ACR: variants seen among roughly 807,000 people sequenced by gnomAD.
The protein encoded by ACR is acrosin light and heavy chain prepropeptide.
In ACR, 17 loss-of-function variants were observed where a neutral mutation model predicts 26.0. The observed-to-expected ratio is 0.65, with a 90% CI of 0.45 to 0.98. ACR has a LOEUF of 0.98. Ranked by LOEUF, ACR falls within the 50% of genes least tolerant of loss-of-function variation. The pLI is 0.00. For missense variants in ACR, 435 were observed against 519.3 expected (o/e 0.84, Z 1.58); for synonymous variants, 199 against 207.7 (o/e 0.96, Z 0.36).
In ACR at chr22:50,742,878, C is replaced by T. The variant is rs1483675304; in HGVS notation, c.566-1183C>T. ...CTCTGCAGGTGACGTCCAGATCCAC[C>T]CCCAGGGTTGTAGGTGCTGCTGCGG... On this transcript the variant is annotated intron_variant, in intron 3 of 4. Coordinates refer to ENST00000216139, the MANE Select transcript of ACR (RefSeq NM_001097.3). 2.6e-5 allele frequency among the ~76,000 whole-genome samples: 4 copies of T among 152,274 alleles called. No homozygotes were observed. In the East Asian group the frequency reaches 5.8e-4, roughly 22 times the overall value.
chr22:50,740,904 T>C, intron 3 of ACR: 1 of 571,978 alleles, frequency 1.7e-6, no homozygotes, highest in South Asian at 2.0e-5. Flanking sequence ...CCCTACATAC[T>C]TAGGCACACT....
rs191736410 is a variant in ACR, at chr22:50,740,602, A to C, written c.565+625A>C. The stretch of plus-strand genomic sequence containing the variant: ...GTTGGTGTGGCTTTCTGTGGGTCAT[A>C]GGCATCCCTGTATTTCAGGCTTCCT... On this transcript the variant is annotated intron_variant, in intron 3 of 4. Transcript: ENST00000216139. The C allele has an allele frequency of 1.7e-4, 117 of 702,458 alleles. No individual in the cohort carries two copies. In the African/African-American group the frequency reaches 1.8e-3, roughly 11 times the overall value. 43.5% of individuals were successfully genotyped at this position (702,458 alleles called of 1,614,324 possible).
chr22:50,744,979 C>T lies in ACR; in HGVS notation c.1038C>T (p.Pro346=). The change falls in exon 5 of 5, where the codon CCC becomes CCT. Residue 346 remains proline, a synonymous_variant. Coordinates refer to ENST00000216139, the MANE Select transcript of ACR (RefSeq NM_001097.3). ...PPRPPAAQPR[P]PPSPPPPPPP... Reference sequence around the variant, plus strand: ...GACCACCGGCAGCCCAGCCCCGACCCCCACCTTCACCCCCGCCCCCACCCC... The same window carrying T: ...GACCACCGGCAGCCCAGCCCCGACCTCCACCTTCACCCCCGCCCCCACCCC... 2 of 1,022,708 alleles carry T rather than the reference C, an allele frequency of 2.0e-6. No individual in the cohort carries two copies. The highest frequency in any genetic ancestry group is 2.8e-6 in the Non-Finnish European group (2 of 727,250). The allele number at this position is 1,022,708 out of a possible 1,614,324, so 63.4% of individuals were successfully genotyped here. A position where few individuals can be genotyped will look rare whatever the true frequency, so the allele number is the denominator to read the frequency against.
chr22:50,740,644 A>G, intron 3 of ACR: 2 of 702,372 alleles, frequency 2.8e-6, no homozygotes, highest in Non-Finnish European at 5.2e-6. Context: ...TCCGGCAGGT[A>G]CCTCTCCATT....
At position 50,739,607 on chromosome 22, in the gene ACR, G is replaced by T; in HGVS notation, c.282-87G>T. On this transcript the variant is annotated intron_variant, in intron 2 of 4. Transcript: ENST00000216139. This position sits in a 1 kb window ranked among gnomAD's most constrained non-coding sequence, Gnocchi z 5.5. Reference sequence around the variant, plus strand: ...CTGCAAGACTCCGGGGGCTGGTCCAGACCTTTGCTAGGGGAAGGCCCTGAG... The same window carrying T: ...CTGCAAGACTCCGGGGGCTGGTCCATACCTTTGCTAGGGGAAGGCCCTGAG... The T allele has an allele frequency of 6.4e-7, 1 of 1,553,572 alleles. No individual in the cohort carries two copies. The highest frequency in any genetic ancestry group is 8.7e-7 in the Non-Finnish European group (1 of 1,146,226).
At chr22:50,740,106 C>G (rs2083418663) in intron 3 of ACR, 129 bp downstream of exon 3, 1 of 1,228,880 alleles carries the variant, frequency 8.1e-7, no homozygotes, top group African/African-American at 1.5e-5. Flanking sequence ...ACACGTAGAG[C>G]CATCACTGTG....
In ACR at chr22:50,739,794, A is replaced by G. The variant is rs769494886; in HGVS notation, c.382A>G (p.Ile128Val). 6.2e-7 allele frequency: 1 copy of G among 1,606,660 alleles called. No individual in the cohort carries two copies. Among genetic ancestry groups the G allele is most frequent in the Non-Finnish European group, 8.5e-7 (1 of 1,176,790 alleles). Residue 128 changes from isoleucine to valine, a missense_variant, in exon 3 of 5, where the codon ATC becomes GTC. Ile to Val is a conservative substitution (Grantham distance 29). This residue lies in a region of ACR where 314 missense variants were observed against 372.0 expected (regional missense o/e 0.84). Coordinates refer to ENST00000216139, the MANE Select transcript of ACR (RefSeq NM_001097.3). The surrounding 1 kb of genome is among the most constrained non-coding windows in gnomAD (Gnocchi z 5.5). Reference sequence around the variant, plus strand: ...TCTGCAAGAGAGATATGTGGAGAAAATCATCATTCATGAAAAATACAACTC... The same window carrying G: ...TCTGCAAGAGAGATATGTGGAGAAAGTCATCATTCATGAAAAATACAACTC... Reference protein sequence around the residue: ...APLQERYVEKIIIHEKYNSAT... With the variant: ...APLQERYVEKVIIHEKYNSAT...
chr22:50,744,590 G>A (rs1331577353), intron 4 of ACR, 63 bp from the exon 5 acceptor site: 91 of 1,523,752 alleles, frequency 6.0e-5, no homozygotes, highest in Middle Eastern at 2.1e-4. Context: ...AGAGCCTTCC[G>A]ACCCCTCTGG....
intron 3 of ACR, among the ~76,000 whole-genome samples, chr22:50,742,852 G>T (rs1407752084): frequency 6.6e-6 from 1 of 152,190 alleles, no homozygotes; most frequent in Non-Finnish European, 1.5e-5. Flanking sequence ...GCTCCCATCT[G>T]CTCTGCAGGT....
Position 50,744,930 on chromosome 22 carries a change from C to T in ACR, c.989C>T (p.Pro330Leu), listed in dbSNP as rs778557423. 19 of 1,554,310 alleles carry T rather than the reference C, an allele frequency of 1.2e-5. No individual in the cohort carries two copies. Among genetic ancestry groups the T allele is most frequent in the South Asian group, 7.1e-5 (6 of 84,390 alleles). The change falls in exon 5 of 5, where the codon CCG becomes CTG. Residue 330 changes from proline (P) to leucine (L), a missense_variant. This residue lies in a region of ACR where 92 missense variants were observed against 87.8 expected (regional missense o/e 1.05). Coordinates refer to ENST00000216139, the MANE Select transcript of ACR (RefSeq NM_001097.3). ...GCTCACCTTCCTTGGTATTTCCAAC[C>T]GCCCCCTCGACCACTTCCACCCCGA... is the stretch of plus-strand genomic sequence containing the variant. The part of the protein sequence containing the change: ...ISAHLPWYFQ[P>L]PPRPLPPRPP...
intron 3 of ACR, 62 bp downstream of exon 3, chr22:50,740,039 G>A (rs1455941310): frequency 1.2e-6 from 2 of 1,603,624 alleles, no homozygotes; most frequent in Non-Finnish European, 1.7e-6. Flanking sequence ...GGTCTTTGAG[G>A]TGCAGCGGTC....
chr22:50,743,528 G>A (rs1273104001), intron 3 of ACR: 1 of 157,600 alleles, frequency 6.3e-6, no homozygotes, highest in African/African-American at 2.4e-5. Flanking sequence ...GAGGAGTTCT[G>A]AAGAGGGACA....
At chr22:50,743,091 A>G (rs6010072) in intron 3 of ACR, among the ~76,000 whole-genome samples, 93,191 of 149,800 alleles carry the variant, frequency 0.62, 29,513 homozygotes, top group African/African-American at 0.73. Flanking sequence ...GCTGGAGTGC[A>G]GTGGCGCCAT....
At chr22:50,738,904 AGATTGGTTAT>A (rs2083410912) in intron 1 of ACR, among the ~76,000 whole-genome samples, 2 of 151,752 alleles carry the variant, frequency 1.3e-5, no homozygotes, top group Non-Finnish European at 2.9e-5. Context: ...CTCCCACCCA[AGATTGGTTAT>A]AAGGACCTCA....
chr22:50,742,587 G>T (rs1393270330), intron 3 of ACR, among the ~76,000 whole-genome samples: 1 of 151,776 alleles, frequency 6.6e-6, no homozygotes, highest in African/African-American at 2.4e-5. Flanking sequence ...TAATAAGCCA[G>T]GATTGTTGTC....
chr22:50,742,762 C>T (rs560657380), intron 3 of ACR, among the ~76,000 whole-genome samples: 21 of 152,338 alleles, frequency 1.4e-4, no homozygotes, highest in Admixed American at 7.8e-4. Flanking sequence ...GTGCCGAGCC[C>T]TATGCACGTC....
In ACR at chr22:50,739,196, C is replaced by T; in HGVS notation, c.78-75C>T. On this transcript the variant is annotated intron_variant, in intron 1 of 4. Coordinates refer to ENST00000216139, the MANE Select transcript of ACR (RefSeq NM_001097.3). This position sits in a 1 kb window ranked among gnomAD's most constrained non-coding sequence, Gnocchi z 5.5. ...ACTTTTCCCAACCCCATGTCCCTGC[C>T]TCCCCTCAGTTGTGGAGTTACAAGG... The T allele has an allele frequency of 2.2e-6, 3 of 1,355,482 alleles. No individual in the cohort carries two copies. Among genetic ancestry groups the T allele is most frequent in the Non-Finnish European group, 3.1e-6 (3 of 976,182 alleles). The allele number at this position is 1,355,482 out of a possible 1,614,324, so 84.0% of individuals were successfully genotyped here.
Position 50,744,112 on chromosome 22 carries a change from T to C in ACR, c.617T>C (p.Leu206Pro). 1 of 1,611,872 alleles carries C rather than the reference T, an allele frequency of 6.2e-7. No individual in the cohort carries two copies. Among genetic ancestry groups the C allele is most frequent in the African/African-American group, 1.3e-5 (1 of 74,438 alleles). ...GAGGCACGTGTGGATCTCATCGACCTGGACTTGTGTAACTCGACCCAGTGG... is the reference window on the plus strand; with the variant it reads ...GAGGCACGTGTGGATCTCATCGACCCGGACTTGTGTAACTCGACCCAGTGG... Reference protein sequence around the residue: ...LMEARVDLIDLDLCNSTQWYN... With the variant: ...LMEARVDLIDPDLCNSTQWYN... The change falls in exon 4 of 5, where the codon CTG becomes CCG. Residue 206 changes from leucine to proline, a missense_variant. By Grantham distance (98) the Leu-to-Pro change is moderately conservative. This residue lies in a region of ACR where 314 missense variants were observed against 372.0 expected (regional missense o/e 0.84). Coordinates refer to ENST00000216139, the MANE Select transcript of ACR (RefSeq NM_001097.3).
Position 50,739,681 on chromosome 22 carries a change from T to A in ACR, c.282-13T>A. On this transcript the variant is annotated splice_polypyrimidine_tract_variant and intron_variant, in intron 2 of 4. Coordinates refer to ENST00000216139, the MANE Select transcript of ACR (RefSeq NM_001097.3). This position sits in a 1 kb window ranked among gnomAD's most constrained non-coding sequence, Gnocchi z 5.5. The stretch of plus-strand genomic sequence containing the variant: ...CCAGCCGGTTGTGACCTGGCTTACC[T>A]TTGTGCCCACAGTAATGTGCATGAC... 1 of 1,536,892 alleles carries A rather than the reference T, an allele frequency of 6.5e-7. No homozygotes were observed. Among genetic ancestry groups the A allele is most frequent in the Non-Finnish European group, 8.7e-7 (1 of 1,143,694 alleles).
Sources: gnomAD v4.1 joint callset for allele counts (sites outside exome capture counted in the v4.1 genomes callset) on GRCh38, gnomAD v4.1.1 for gene constraint, gnomAD v4.1.1 regional missense constraint, Gnocchi (gnomAD v3.1) non-coding constraint, MANE v1.5 for transcripts, NCBI Gene and HGNC (gene_info 2026-07-23, HGNC 2026-07-21) for gene names.